COL5A3: variants seen among roughly 807,000 people sequenced by gnomAD.
The protein encoded by COL5A3 is collagen alpha-3(V) chain.
COL5A3 carries 172 observed loss-of-function variants against 250.0 expected under a neutral mutation model. The ratio of observed to expected loss-of-function variants is 0.69; its 90% CI spans 0.61 to 0.78. The LOEUF (loss-of-function observed/expected upper bound fraction) is 0.78. Among genes scored for constraint, COL5A3 ranks in the 30% least tolerant of loss-of-function variants. COL5A3 has a pLI of 0.00. For missense variants in COL5A3, 2,340 were observed against 2,334.4 expected, an observed-to-expected ratio of 1.00 and a Z score of -0.05; for synonymous variants, 937 against 900.4, an observed-to-expected ratio of 1.04 and a Z score of -0.73.
chr19:9,977,088 C>A, intron 44 of COL5A3, 141 bp downstream of exon 44: 1 of 784,062 alleles, frequency 1.3e-6, no homozygotes, highest in Non-Finnish European at 2.1e-6. Context: ...CCTTCTGTTG[C>A]ATGTAATTGT....
chr19:9,969,757 G>A (rs1043099964), intron 55 of COL5A3, 75 bp from the exon 56 acceptor site: 1 of 1,565,876 alleles, frequency 6.4e-7, no homozygotes, highest in East Asian at 2.3e-5. Context: ...AGAAGCATCT[G>A]GGATCGGGAG....
chr19:9,979,015 G>T, intron 39 of COL5A3, 35 bp from the exon 40 acceptor site: 1 of 1,516,536 alleles, frequency 6.6e-7, no homozygotes, highest in East Asian at 2.3e-5. Flanking sequence ...TCAAGCTCCA[G>T]GGAGGGGATG....
In COL5A3 at chr19:9,973,938, TG is replaced by T; in HGVS notation, c.3538del (p.Gln1180LysfsTer88). On this transcript the variant is annotated frameshift_variant, in exon 48 of 67. Transcript: ENST00000264828. LOFTEE classifies it high-confidence loss of function. ...PHGAPGPRGP[Q>X]GPTGSEGTPG... ...TCTCACCTCTGATCCAGTGGGGCCTTGGGGACCCCGAGGACCTGGAGCTCCA... is the reference window on the plus strand; with the variant it reads ...TCTCACCTCTGATCCAGTGGGGCCTTGGGACCCCGAGGACCTGGAGCTCCA... 2 of 1,555,686 alleles carry T rather than the reference TG, an allele frequency of 1.3e-6. No homozygotes were observed. Among genetic ancestry groups the T allele is most frequent in the South Asian group, 1.2e-5 (1 of 82,204 alleles).
chr19:9,977,238 T>C lies in COL5A3; in HGVS notation c.3279A>G (p.Lys1093=), dbSNP rs1207672093. The change falls in exon 44 of 67, where the codon AAA becomes AAG. Residue 1093 remains lysine (K), a synonymous_variant. Transcript: ENST00000264828. Reference sequence around the variant, plus strand: ...GGGGACCTTCACTCACCGCGTCTCCTTTATCGCCTTTACTCCCCTTGTGTC... The same window carrying C: ...GGGGACCTTCACTCACCGCGTCTCCCTTATCGCCTTTACTCCCCTTGTGTC... ...APGHKGSKGD[K]GDAGPPGQPG... 1 of 1,612,440 alleles carries C rather than the reference T, an allele frequency of 6.2e-7. No homozygotes were observed. Among genetic ancestry groups the C allele is most frequent in the Non-Finnish European group, 8.5e-7 (1 of 1,178,722 alleles).
rs762315981 is a variant in COL5A3, at chr19:9,966,486, C to T, written c.4669+50G>A. ...ATGGGACCCGACGGACCCCAACCCCCCCCACACCCCCACTCCGCCCATCCA... is the reference window on the plus strand; with the variant it reads ...ATGGGACCCGACGGACCCCAACCCCTCCCACACCCCCACTCCGCCCATCCA... On this transcript the variant is annotated intron_variant, in intron 63 of 66. Transcript: ENST00000264828. The T allele has an allele frequency of 4.5e-6, 7 of 1,555,664 alleles. No individual in the cohort carries two copies. The South Asian group carries it at 5.9e-5, about 13-fold the overall frequency.
chr19:9,980,690 G>A lies in COL5A3; in HGVS notation c.2562C>T (p.Gly854=), dbSNP rs746650580. ...PGATGQPGPK[G]DVGQDGAPGI... ...CAGGGGCTCCATCCTGGCCCACATC[G>A]CCCTAGGACAGAGTGAATGAGACTC... is the stretch of plus-strand genomic sequence containing the variant. The change falls in exon 35 of 67, where the codon GGC becomes GGT. Residue 854 remains glycine, a splice_region_variant and synonymous_variant. Coordinates refer to ENST00000264828, the MANE Select transcript of COL5A3 (RefSeq NM_015719.4). 1.7e-5 allele frequency: 28 copies of A among 1,613,578 alleles called. No homozygotes were observed. The highest frequency in any genetic ancestry group is 2.2e-5 in the East Asian group (1 of 44,850).
chr19:9,986,351 A>AGCATGCCCC lies in COL5A3; in HGVS notation c.2315_2316insGGGGCATGC (p.Gly773_Glu774insHisAlaGly). 4 of 1,593,870 alleles carry AGCATGCCCC rather than the reference A, an allele frequency of 2.5e-6. No homozygotes were observed. Among genetic ancestry groups the AGCATGCCCC allele is most frequent in the Non-Finnish European group, 3.4e-6 (4 of 1,175,272 alleles). ...CTGAGCCTGGGGGCCCCTCCTCGCC[A>AGCATGCCCC]GCCTGCCCCGCCTGCCCCTTCGGCC... On this transcript the variant is annotated inframe_insertion, in exon 30 of 67. Transcript: ENST00000264828.
At chr19:9,977,508 G>A in intron 42 of COL5A3, 36 bp from the exon 43 acceptor site, 1 of 1,501,456 alleles carries the variant, frequency 6.7e-7, no homozygotes, top group Non-Finnish European at 8.9e-7. Flanking sequence ...TGTCAGGGCA[G>A]GAATGTCCTG....
chr19:10,010,207 T>G, intron 1 of COL5A3, 91 bp downstream of exon 1: 61 of 248,900 alleles, frequency 2.5e-4, no homozygotes, highest in Non-Finnish European at 3.5e-4. Context: ...GCCCTTCCCC[T>G]CCACGCCCCT....
At chr19:9,980,349 A>T (rs551918048) in intron 35 of COL5A3, among the ~76,000 whole-genome samples, 33 of 152,284 alleles carry the variant, frequency 2.2e-4, no homozygotes, top group African/African-American at 6.7e-4. Context: ...CTCTGACTTC[A>T]CAGGCTGTGC....
At chr19:9,966,050 T>C (rs1281965531) in intron 64 of COL5A3, among the ~76,000 whole-genome samples, 4 of 152,122 alleles carry the variant, frequency 2.6e-5, no homozygotes, top group Non-Finnish European at 5.9e-5. Flanking sequence ...CAGGCTGGTC[T>C]CGAACTCCTG....
At chr19:9,966,194 G>A in intron 64 of COL5A3, 120 bp downstream of exon 64, 1 of 780,228 alleles carries the variant, frequency 1.3e-6, no homozygotes. Context: ...TTGGCATACA[G>A]TAAGTGCTCA....
chr19:9,999,955 G>T (rs1046621809), intron 8 of COL5A3, among the ~76,000 whole-genome samples: 3 of 151,916 alleles, frequency 2.0e-5, no homozygotes, highest in Non-Finnish European at 4.4e-5. Context: ...ATAGGGTCTC[G>T]CTATGTTACC....
intron 31 of COL5A3, among the ~76,000 whole-genome samples, chr19:9,984,467 A>G (rs2087066010): frequency 6.6e-6 from 1 of 152,228 alleles, no homozygotes; most frequent in African/African-American, 2.4e-5. Context: ...GTTTTCATAT[A>G]AGTACGTTTT....
chr19:9,998,758 C>T (rs1160701639), intron 8 of COL5A3, among the ~76,000 whole-genome samples: 7 of 151,468 alleles, frequency 4.6e-5, no homozygotes. Context: ...GATCTCAGCT[C>T]ACTGCACCTT....
In COL5A3 at chr19:9,993,004, A is replaced by C; in HGVS notation, c.1794+19T>G. 1 of 1,612,818 alleles carries C rather than the reference A, an allele frequency of 6.2e-7. No homozygotes were observed. The highest frequency in any genetic ancestry group is 2.2e-5 in the East Asian group (1 of 44,854). ...CTCCCCTGCACCAAGCAAGGGGCCC[A>C]GGGATCCCTGATACTCACCGGCTCC... On this transcript the variant is annotated intron_variant, in intron 20 of 66. Transcript: ENST00000264828.
At position 9,985,901 on chromosome 19, in the gene COL5A3, G is replaced by A; in HGVS notation, c.2353-6C>T. On this transcript the variant is annotated splice_polypyrimidine_tract_variant and splice_region_variant and intron_variant, in intron 30 of 66. Coordinates refer to ENST00000264828, the MANE Select transcript of COL5A3 (RefSeq NM_015719.4). ...CCTGGCACCCCAAGCTTGCCCTGCA[G>A]AAAGGTTATGGGACAAAGGTCAGAA... 1 of 1,614,028 alleles carries A rather than the reference G, an allele frequency of 6.2e-7. No individual in the cohort carries two copies. Among genetic ancestry groups the A allele is most frequent in the Non-Finnish European group, 8.5e-7 (1 of 1,179,968 alleles).
At chr19:9,973,437 G>A in intron 50 of COL5A3, 133 bp downstream of exon 50, 1 of 890,376 alleles carries the variant, frequency 1.1e-6, no homozygotes, top group East Asian at 2.4e-5. Flanking sequence ...CTTCCTCAAG[G>A]TAATCAGGGA....
intron 39 of COL5A3, 50 bp downstream of exon 39, chr19:9,979,082 T>A: frequency 6.7e-7 from 1 of 1,489,818 alleles, no homozygotes; most frequent in Middle Eastern, 2.0e-4. Context: ...TTCTGAGTCC[T>A]TGGTTGATCT....
Sources: gnomAD v4.1 joint callset for allele counts (sites outside exome capture counted in the v4.1 genomes callset) on GRCh38, gnomAD v4.1.1 for gene constraint, MANE v1.5 for transcripts, NCBI Gene and HGNC (gene_info 2026-07-23, HGNC 2026-07-21) for gene names.